SNX7: variants seen among roughly 807,000 people sequenced by gnomAD.
The protein encoded by SNX7 is sorting nexin 7.
Under a neutral mutation model 48.4 loss-of-function variants are expected in SNX7, and 35 were observed. That is an observed-to-expected ratio of 0.72 (90% CI 0.55 to 0.96). The LOEUF is 0.96. Ranked by LOEUF, SNX7 falls within the 40% of genes least tolerant of loss-of-function variation. The probability of loss-of-function intolerance (pLI) is 0.00; values close to 1 mark genes in which losing one functional copy is unlikely to be tolerated. For missense variants in SNX7, 553 were observed against 548.9 expected, an observed-to-expected ratio of 1.01 and a Z score of -0.07; for synonymous variants, 190 against 190.2, an observed-to-expected ratio of 1.00 and a Z score of 0.01.
intron 8 of SNX7, among the ~76,000 whole-genome samples, chr1:98,740,795 T>C (rs1010710895): frequency 1.3e-5 from 2 of 152,204 alleles, no homozygotes; most frequent in Admixed American, 1.3e-4. Flanking sequence ...TCCCCAAGTG[T>C]ACTACATTTC....
At chr1:98,695,746 A>G (rs1191510297) in intron 5 of SNX7, 30 bp downstream of exon 5, 3 of 1,441,132 alleles carry the variant, frequency 2.1e-6, no homozygotes, top group South Asian at 1.2e-5. Flanking sequence ...TGTGATTTCA[A>G]AGTTGTTCAG....
rs148848472 is a variant in SNX7 at position 98,669,112 on chromosome 1, A to G, written c.180+7201A>G. ...TCCAATTCTTAATTTCTCTTCCCCA[A>G]CCCGTTGTCTTTTCCATTTAATTTT... On this transcript the variant is annotated intron_variant, in intron 1 of 8. Coordinates refer to ENST00000306121, the MANE Select transcript of SNX7 (RefSeq NM_015976.5). 1.4e-3 allele frequency among the ~76,000 whole-genome samples: 208 copies of G among 152,204 alleles called. 5 individuals carry two copies. In the East Asian group the frequency reaches 0.02, roughly 15 times the overall value.
At chr1:98,662,234 G>C (rs1407219330) in intron 1 of SNX7, 4 of 200,908 alleles carry the variant, frequency 2.0e-5, no homozygotes, top group Middle Eastern at 1.7e-3. Flanking sequence ...TCTTCCTCGC[G>C]GCAGCTCCCG....
chr1:98,698,704 A>G lies in SNX7; in HGVS notation c.839-2A>G. 6.4e-7 allele frequency: 1 copy of G among 1,566,486 alleles called. No individual in the cohort carries two copies. ...GCTTATTAAGTCTTTTTTTTTTTTT[A>G]GAATATTTTGATGAAATGAAAGAAT... is the stretch of plus-strand genomic sequence containing the variant. On this transcript the variant is annotated splice_acceptor_variant, in intron 5 of 8. Transcript: ENST00000306121. LOFTEE classifies it high-confidence loss of function.
chr1:98,734,093 GCAGCATAC>G (rs1653654764), intron 7 of SNX7, among the ~76,000 whole-genome samples: 1 of 151,994 alleles, frequency 6.6e-6, no homozygotes, highest in African/African-American at 2.4e-5. Flanking sequence ...GTCACACTCT[GCAGCATAC>G]TATTTCTGTG....
Position 98,760,443 on chromosome 1 carries a change from G to T in SNX7, c.*312G>T. Reference sequence around the variant, plus strand: ...TTTTTTTTCTTAAATATTTGACTGTGGAACATGCCATTTTAAATATGTTGT... The same window carrying T: ...TTTTTTTTCTTAAATATTTGACTGTTGAACATGCCATTTTAAATATGTTGT... On this transcript the variant is annotated 3_prime_UTR_variant, in exon 9 of 9. Transcript: ENST00000306121. 1 of 214,490 alleles carries T rather than the reference G, an allele frequency of 4.7e-6. No individual in the cohort carries two copies. Among genetic ancestry groups the T allele is most frequent in the Non-Finnish European group, 9.3e-6 (1 of 107,496 alleles). The allele number at this position is 214,490 out of a possible 1,614,324, so 13.3% of individuals were successfully genotyped here. A position where few individuals can be genotyped will look rare whatever the true frequency, so the allele number is the denominator to read the frequency against.
At chr1:98,751,653 T>C (rs949981084) in intron 8 of SNX7, among the ~76,000 whole-genome samples, 4 of 152,092 alleles carry the variant, frequency 2.6e-5, no homozygotes, top group Non-Finnish European at 5.9e-5. Flanking sequence ...GCTAATTGCA[T>C]GTATAGCATA....
At chr1:98,681,928 TA>T (rs1284744265) in intron 1 of SNX7, among the ~76,000 whole-genome samples, 1 of 152,194 alleles carries the variant, frequency 6.6e-6, no homozygotes, top group Non-Finnish European at 1.5e-5. Context: ...GTTTCTAGCT[TA>T]CTCTCAATAA....
chr1:98,759,987 T>C, intron 8 of SNX7, 67 bp from the exon 9 acceptor site: 12 of 1,043,824 alleles, frequency 1.1e-5, no homozygotes, highest in Non-Finnish European at 1.7e-5. Flanking sequence ...GTGTTAGAAT[T>C]TATTAATCCT....
chr1:98,694,596 A>ATTTTTT (rs764330196), intron 4 of SNX7, among the ~76,000 whole-genome samples: 1,243 of 53,252 alleles, frequency 0.023, 221 homozygotes, highest in Non-Finnish European at 0.027. Flanking sequence ...TTGCTCTGGG[A>ATTTTTT]TTTTTTTTTT....
chr1:98,682,040 T>C (rs1650519457), intron 1 of SNX7, among the ~76,000 whole-genome samples: 1 of 151,964 alleles, frequency 6.6e-6, no homozygotes, highest in South Asian at 2.1e-4. Context: ...ATAGGCATGC[T>C]TCCTATCACA....
Position 98,735,734 on chromosome 1 carries a change from C to G in SNX7, c.1126-2503C>G, listed in dbSNP as rs939607424. Reference sequence around the variant, plus strand: ...TCATGCTGCAGTTTTTATAAGAATCCCTATGAAATGTATGTTATTATTTTA... The same window carrying G: ...TCATGCTGCAGTTTTTATAAGAATCGCTATGAAATGTATGTTATTATTTTA... On this transcript the variant is annotated intron_variant, in intron 7 of 8. Transcript: ENST00000306121. 3.9e-5 allele frequency among the ~76,000 whole-genome samples: 6 copies of G among 151,944 alleles called. No individual in the cohort carries two copies. In the East Asian group the frequency reaches 1.2e-3, roughly 29 times the overall value.
At chr1:98,742,486 C>T (rs1046981885) in intron 8 of SNX7, among the ~76,000 whole-genome samples, 2 of 151,926 alleles carry the variant, frequency 1.3e-5, no homozygotes, top group African/African-American at 4.8e-5. Context: ...CGCAGTTTGT[C>T]GTTAAGTGAA....
At chr1:98,664,942 T>C (rs1172663065) in intron 1 of SNX7, among the ~76,000 whole-genome samples, 1 of 152,160 alleles carries the variant, frequency 6.6e-6, no homozygotes, top group Non-Finnish European at 1.5e-5. Flanking sequence ...TAGGTCACAA[T>C]GAGATGAGGC....
At chr1:98,753,703 A>G (rs942033027) in intron 8 of SNX7, among the ~76,000 whole-genome samples, 12 of 152,198 alleles carry the variant, frequency 7.9e-5, no homozygotes, top group Middle Eastern at 3.4e-3. Context: ...CAGAGAGCAA[A>G]CCAGAGCGGT....
intron 7 of SNX7, among the ~76,000 whole-genome samples, chr1:98,702,359 C>T: frequency 6.6e-6 from 1 of 151,738 alleles, no homozygotes; most frequent in East Asian, 1.9e-4. Context: ...TTAATCTTTC[C>T]CTTAAGATAT....
In SNX7 at chr1:98,720,865, C is replaced by T. The variant is rs889392044; in HGVS notation, c.1126-17372C>T. Among the ~76,000 whole-genome samples, 5 of 151,958 alleles carry T rather than the reference C, an allele frequency of 3.3e-5. No individual in the cohort carries two copies. The South Asian group carries it at 1.0e-3, about 31-fold the overall frequency. ...TCGAATCAAAGAAGGGAGATCATTTCTCATGGAAGTTTTAGCTTTGGTAGG... is the reference window on the plus strand; with the variant it reads ...TCGAATCAAAGAAGGGAGATCATTTTTCATGGAAGTTTTAGCTTTGGTAGG... On this transcript the variant is annotated intron_variant, in intron 7 of 8. Transcript: ENST00000306121.
chr1:98,728,439 A>G (rs551130869), intron 7 of SNX7, among the ~76,000 whole-genome samples: 6 of 152,336 alleles, frequency 3.9e-5, no homozygotes, highest in African/African-American at 1.4e-4. Flanking sequence ...CATCAAATTC[A>G]CACATAGCAA....
At chr1:98,702,975 A>AT (rs897083514) in intron 7 of SNX7, among the ~76,000 whole-genome samples, 2 of 152,178 alleles carry the variant, frequency 1.3e-5, no homozygotes, top group Non-Finnish European at 2.9e-5. Context: ...AGGACTCTGC[A>AT]TCCCCCCTCC....
Sources: allele counts gnomAD v4.1 joint callset (sites outside exome capture counted in the v4.1 genomes callset), GRCh38; gene constraint gnomAD v4.1.1; transcripts MANE v1.5; gene names NCBI Gene and HGNC (gene_info 2026-07-23, HGNC 2026-07-21).